KANTR: variants seen among roughly 807,000 people sequenced by gnomAD.
KANTR encodes the protein KANTR integral membrane protein.
downstream of KANTR, among the ~76,000 whole-genome samples, chrX:53,129,736 G>A (rs1556816712): frequency 9.0e-6 from 1 of 110,531 alleles, no homozygotes; most frequent in Non-Finnish European, 1.9e-5. Context: ...GTGTTGTCTT[G>A]CAAATGTTCC....
At chrX:53,115,328 C>T (rs1933106451) in intron 2 of KANTR, among the ~76,000 whole-genome samples, 1 of 111,556 alleles carries the variant, frequency 9.0e-6, no homozygotes, top group Admixed American at 9.4e-5. Flanking sequence ...CAGGTGCTGG[C>T]CTAATGACTA....
At chrX:53,136,694 ATATATATATATATATATATATAT>A (rs1569240937) in intron 2 of KANTR, among the ~76,000 whole-genome samples, 1 of 3,983 alleles carries the variant, frequency 2.5e-4, no homozygotes, top group East Asian at 0.014. Flanking sequence ...CACGCCCGGC[ATATATATATATATATATATATAT>A]ATATATATAT....
downstream of KANTR, chrX:53,143,518 C>T: frequency 1.6e-6 from 1 of 609,967 alleles, no homozygotes; most frequent in Non-Finnish European, 2.8e-6. Context: ...TGGCCACATA[C>T]ATGGCTGGGG....
chrX:53,143,600 A>G (rs189177141), downstream of KANTR: 55 of 660,280 alleles, frequency 8.3e-5, no homozygotes, highest in East Asian at 1.7e-3. Flanking sequence ...GCCTCGGCCA[A>G]CAGCACCGGG....
chrX:53,134,116 C>CT (rs1933392115), intron 2 of KANTR, among the ~76,000 whole-genome samples: 1 of 111,873 alleles, frequency 8.9e-6, no homozygotes, highest in African/African-American at 3.3e-5. Context: ...AATCCCAGCA[C>CT]TTTGGGAGGC....
chrX:53,130,897 C>T (rs5933590), downstream of KANTR, among the ~76,000 whole-genome samples: 15 of 111,472 alleles, frequency 1.3e-4, no homozygotes, highest in Non-Finnish European at 2.4e-4. Context: ...TAGAATTCTT[C>T]AGTGGGAAGT....
intron 2 of KANTR, among the ~76,000 whole-genome samples, chrX:53,123,215 G>T (rs1933249661): frequency 9.5e-6 from 1 of 105,242 alleles, no homozygotes; most frequent in Admixed American, 1.0e-4. Flanking sequence ...TTTTAATGAT[G>T]CATTCTTCAA....
At chrX:53,147,571 T>G (rs1933594513), downstream of KANTR, among the ~76,000 whole-genome samples, 1 of 110,979 alleles carries the variant, frequency 9.0e-6, no homozygotes, top group African/African-American at 3.3e-5. Flanking sequence ...AGACAGAAGT[T>G]AACAAGGATA....
intron 1 of KANTR, among the ~76,000 whole-genome samples, chrX:53,099,181 G>A (rs782555646): frequency 9.0e-6 from 1 of 111,303 alleles, no homozygotes; most frequent in Non-Finnish European, 1.9e-5. Context: ...GACCAGCCTG[G>A]CCAGCATGGT....
At chrX:53,109,597 T>C (rs1280225889) in intron 2 of KANTR, among the ~76,000 whole-genome samples, 1 of 112,350 alleles carries the variant, frequency 8.9e-6, no homozygotes, top group Non-Finnish European at 1.9e-5. Context: ...CCTAAGTATT[T>C]TACTTTTTTT....
chrX:53,133,761 A>G (rs1933387597), intron 2 of KANTR, among the ~76,000 whole-genome samples: 1 of 111,568 alleles, frequency 9.0e-6, no homozygotes, highest in African/African-American at 3.3e-5. Flanking sequence ...TAACCAGACC[A>G]TATGGTAACT....
intron 2 of KANTR, among the ~76,000 whole-genome samples, chrX:53,132,771 A>G (rs1933374148): frequency 9.0e-6 from 1 of 111,543 alleles, no homozygotes; most frequent in Non-Finnish European, 1.9e-5. Flanking sequence ...GGTGTCCATC[A>G]CCAGGGGCAT....
chrX:53,100,685 C>T (rs1419567745), intron 2 of KANTR, among the ~76,000 whole-genome samples: 2 of 109,336 alleles, frequency 1.8e-5, no homozygotes, highest in Non-Finnish European at 3.8e-5. Flanking sequence ...GTAATCCCAG[C>T]TACTCAAGAG....
downstream of KANTR, among the ~76,000 whole-genome samples, chrX:53,129,235 TTGTGTGTGTG>T (rs57493383): frequency 2.4e-3 from 201 of 83,357 alleles, no homozygotes; most frequent in Middle Eastern, 6.6e-3. Flanking sequence ...GCCTGGCTAT[TTGTGTGTGTG>T]TGTGTGTGTG....
intron 1 of KANTR, among the ~76,000 whole-genome samples, chrX:53,097,350 G>GTTTTTTTTTTTTTTTTTTTTTTTTTTT (rs781783647): frequency 1.5e-5 from 1 of 67,978 alleles, no homozygotes; most frequent in Non-Finnish European, 2.6e-5. Context: ...TTTGTTTTAA[G>GTTTTTTTTTTTTTTTTTTTTTTTTTTT]TTTTTTTTTT....
intron 2 of KANTR, among the ~76,000 whole-genome samples, chrX:53,102,508 C>T (rs939983061): frequency 1.4e-4 from 16 of 111,794 alleles, no homozygotes; most frequent in African/African-American, 4.2e-4. Context: ...GTGAGAATAC[C>T]GCAGAAGAGA....
chrX:53,097,350 G>GTT (rs781783647), intron 1 of KANTR, among the ~76,000 whole-genome samples: 5 of 67,974 alleles, frequency 7.4e-5, no homozygotes, highest in African/African-American at 2.6e-4. Context: ...TTTGTTTTAA[G>GTT]TTTTTTTTTT....
At chrX:53,123,307 C>A (rs1933250798) in intron 2 of KANTR, among the ~76,000 whole-genome samples, 162 bp from the exon 3 acceptor site, 1 of 110,305 alleles carries the variant, frequency 9.1e-6, no homozygotes, top group African/African-American at 3.3e-5. Context: ...TTAAATGTTT[C>A]AAAGATATTT....
chrX:53,141,677 A>AT (rs1449212033), intron 2 of KANTR, among the ~76,000 whole-genome samples: 13 of 65,431 alleles, frequency 2.0e-4, no homozygotes, highest in African/African-American at 4.7e-4. Flanking sequence ...CTATTATTGG[A>AT]TTTTTTTTTA....
Sources: gnomAD v4.1 joint callset for allele counts (sites outside exome capture counted in the v4.1 genomes callset) on GRCh38, gnomAD v4.1.1 for gene constraint, MANE v1.5 for transcripts, NCBI Gene and HGNC (gene_info 2026-07-23, HGNC 2026-07-21) for gene names.